Variants in CTNND2 observed in about 807,000 individuals in gnomAD.
The protein encoded by CTNND2 is catenin delta-2.
In CTNND2, 22 loss-of-function variants were observed where a neutral mutation model predicts 144.4. The observed-to-expected ratio is 0.15, with a 90% CI of 0.11 to 0.22. CTNND2 has a LOEUF of 0.22. CTNND2 is among the 10% of genes least tolerant of loss of function. The probability of loss-of-function intolerance (pLI) is 1.00; values close to 1 mark genes in which losing one functional copy is unlikely to be tolerated. For missense variants in CTNND2, 1,353 were observed against 1,618.8 expected (o/e 0.84, Z 2.82); for synonymous variants, 751 against 695.6 (o/e 1.08, Z -1.25).
intron 12 of CTNND2, among the ~76,000 whole-genome samples, chr5:11,123,594 C>T (rs545694167): frequency 6.6e-6 from 1 of 152,372 alleles, no homozygotes; most frequent in South Asian, 2.1e-4. Flanking sequence ...CAGCACCTAA[C>T]CTGTGTTCAG....
intron 2 of CTNND2, among the ~76,000 whole-genome samples, chr5:11,628,025 G>A (rs1055060780): frequency 1.3e-5 from 2 of 151,882 alleles, no homozygotes; most frequent in Admixed American, 1.3e-4. Flanking sequence ...CTTGCTGTGC[G>A]GCCAGGTACC....
chr5:11,010,355 G>A (rs866077038), intron 18 of CTNND2, among the ~76,000 whole-genome samples: 2 of 152,148 alleles, frequency 1.3e-5, no homozygotes, highest in South Asian at 2.1e-4. Flanking sequence ...ACATATTAAA[G>A]CCCTTCAGTA....
Position 11,789,639 on chromosome 5 carries a change from C to T in CTNND2, c.38-57367G>A, listed in dbSNP as rs114107025. On this transcript the variant is annotated intron_variant, in intron 1 of 21. Transcript: ENST00000304623. Reference sequence around the variant, plus strand: ...AGTTATAATAGCTTTTCAGTTACTCCCTTGGGTTTTCTGGGTATATAGACT... The same window carrying T: ...AGTTATAATAGCTTTTCAGTTACTCTCTTGGGTTTTCTGGGTATATAGACT... 5.1e-3 allele frequency among the ~76,000 whole-genome samples: 781 copies of T among 151,896 alleles called. 8 individuals are homozygous for T. The highest frequency in any genetic ancestry group is 0.018 in the African/African-American group (725 of 41,426).
At chr5:11,054,404 A>G (rs1045111784) in intron 16 of CTNND2, among the ~76,000 whole-genome samples, 1 of 152,166 alleles carries the variant, frequency 6.6e-6, no homozygotes, top group Non-Finnish European at 1.5e-5. Flanking sequence ...AATGCCCAAC[A>G]CTTAGCCAGA....
intron 12 of CTNND2, among the ~76,000 whole-genome samples, chr5:11,153,559 C>T (rs56172431): frequency 2.4e-3 from 359 of 152,268 alleles, no homozygotes; most frequent in African/African-American, 8.5e-3. Context: ...GGGCGTTTCT[C>T]AAGGTCACTC....
chr5:11,254,097 T>C (rs1027280234), intron 9 of CTNND2, among the ~76,000 whole-genome samples: 3 of 152,320 alleles, frequency 2.0e-5, no homozygotes, highest in Admixed American at 6.5e-5. Context: ...AGTTGAAACA[T>C]TGGATTTTTA....
chr5:11,806,137 G>T (rs987416491), intron 1 of CTNND2, among the ~76,000 whole-genome samples: 5 of 152,028 alleles, frequency 3.3e-5, no homozygotes, highest in African/African-American at 1.2e-4. Context: ...CTAAAACCTA[G>T]GAAAGTTGGA....
At chr5:11,340,437 G>A (rs1373074613) in intron 9 of CTNND2, among the ~76,000 whole-genome samples, 1 of 152,206 alleles carries the variant, frequency 6.6e-6, no homozygotes, top group Non-Finnish European at 1.5e-5. Context: ...GTCCTGAGGA[G>A]TGAGGGCTGC....
intron 2 of CTNND2, among the ~76,000 whole-genome samples, chr5:11,642,235 T>G (rs1782104092): frequency 6.6e-6 from 1 of 152,170 alleles, no homozygotes; most frequent in Non-Finnish European, 1.5e-5. Flanking sequence ...GTATCCGTAA[T>G]GAAAACACAT....
At chr5:11,857,371 C>T (rs1168363122) in intron 1 of CTNND2, among the ~76,000 whole-genome samples, 1 of 152,046 alleles carries the variant, frequency 6.6e-6, no homozygotes, top group Non-Finnish European at 1.5e-5. Flanking sequence ...CTTGTTTGTA[C>T]AAGAAACAAA....
intron 1 of CTNND2, among the ~76,000 whole-genome samples, chr5:11,734,049 C>T (rs979514000): frequency 2.6e-5 from 4 of 152,124 alleles, no homozygotes; most frequent in African/African-American, 9.7e-5. Context: ...TACCCTCCCA[C>T]GATGTGAGGG....
chr5:11,766,731 G>A (rs1275673345), intron 1 of CTNND2, among the ~76,000 whole-genome samples: 1 of 152,128 alleles, frequency 6.6e-6, no homozygotes, highest in South Asian at 2.1e-4. Flanking sequence ...TCGAAGTCAT[G>A]GAGGGAAGGC....
chr5:11,266,311 G>T (rs867157755), intron 9 of CTNND2, among the ~76,000 whole-genome samples: 1 of 152,064 alleles, frequency 6.6e-6, no homozygotes, highest in Admixed American at 6.6e-5. Context: ...ATGGATTCTC[G>T]CCTCATTTCC....
intron 9 of CTNND2, among the ~76,000 whole-genome samples, chr5:11,250,471 C>A (rs1338900272): frequency 1.7e-5 from 1 of 60,406 alleles, no homozygotes; most frequent in Non-Finnish European, 2.8e-5. Flanking sequence ...CTCTCTCTCT[C>A]TCTCTCTCTC....
intron 3 of CTNND2, among the ~76,000 whole-genome samples, chr5:11,455,423 T>A (rs892765729): frequency 2.6e-5 from 4 of 152,336 alleles, no homozygotes; most frequent in South Asian, 2.1e-4. Context: ...CTTTCCATTG[T>A]GGGTGGAAAT....
At chr5:11,671,975 C>A (rs1783895826) in intron 2 of CTNND2, among the ~76,000 whole-genome samples, 1 of 152,122 alleles carries the variant, frequency 6.6e-6, no homozygotes, top group African/African-American at 2.4e-5. Flanking sequence ...AGTAGATGTC[C>A]TTTTAGTTGA....
At chr5:11,460,852 C>T (rs976369963) in intron 3 of CTNND2, among the ~76,000 whole-genome samples, 1 of 152,034 alleles carries the variant, frequency 6.6e-6, no homozygotes, top group Non-Finnish European at 1.5e-5. Flanking sequence ...GAAATCAAGA[C>T]CATACTGACC....
chr5:11,252,516 G>A (rs1337628813), intron 9 of CTNND2, among the ~76,000 whole-genome samples: 1 of 152,200 alleles, frequency 6.6e-6, no homozygotes, highest in Non-Finnish European at 1.5e-5. Flanking sequence ...CATAATGTAA[G>A]CTCACATTTA....
intron 16 of CTNND2, among the ~76,000 whole-genome samples, chr5:11,068,444 A>G (rs1040507426): frequency 6.6e-6 from 1 of 152,186 alleles, no homozygotes; most frequent in Admixed American, 6.5e-5. Flanking sequence ...GATGTGTTCA[A>G]GTTAAGGAAA....
Sources: gnomAD v4.1 joint callset for allele counts (sites outside exome capture counted in the v4.1 genomes callset) on GRCh38, gnomAD v4.1.1 for gene constraint, MANE v1.5 for transcripts, NCBI Gene and HGNC (gene_info 2026-07-23, HGNC 2026-07-21) for gene names.